The following FAHD2A variants were observed in gnomAD, a reference collection of about 807,000 sequenced individuals.
FAHD2A encodes the protein fumarylacetoacetate hydrolase domain containing 2A, also known as oxaloacetate tautomerase FAHD2A, mitochondrial.
A neutral mutation model predicts 33.4 loss-of-function variants in FAHD2A; 27 were observed. The observed-to-expected ratio is 0.81, with a 90% CI of 0.60 to 1.11. The LOEUF is 1.11. FAHD2A is among the 50% of genes most tolerant of loss of function. FAHD2A has a pLI of 0.00. For synonymous variants in FAHD2A, 130 were observed against 153.3 expected (o/e 0.85, Z 1.12); for missense variants, 296 against 395.0 (o/e 0.75, Z 2.12).
At chr2:95,417,200 T>G (rs1216798983), downstream of FAHD2A, among the ~76,000 whole-genome samples, 3 of 152,222 alleles carry the variant, frequency 2.0e-5, no homozygotes, top group Non-Finnish European at 4.4e-5. Flanking sequence ...CCTCCATCAA[T>G]GAAATGAAGG....
At chr2:95,411,978 A>G (rs1284227569) in intron 5 of FAHD2A, among the ~76,000 whole-genome samples, 4 of 152,102 alleles carry the variant, frequency 2.6e-5, no homozygotes. Flanking sequence ...TTGTAGAGAC[A>G]AGCACTCACT....
chr2:95,404,295 T>C (rs943167728), intron 1 of FAHD2A, among the ~76,000 whole-genome samples: 2 of 142,874 alleles, frequency 1.4e-5, no homozygotes, highest in Non-Finnish European at 1.5e-5. Flanking sequence ...GCCCTGAGGA[T>C]TTTTTTTTTT....
In FAHD2A at chr2:95,416,437, CGCCTCA is replaced by C. The variant is rs1265640027; in HGVS notation, c.*3483_*3488del. On this transcript the variant is annotated 3_prime_UTR_variant, in exon 8 of 8. Coordinates refer to ENST00000233379, the MANE Select transcript of FAHD2A (RefSeq NM_016044.3). ...GCCTGTTGCCTCCTTGCCTGGACCC[CGCCTCA>C]GCTCAGAAAGCCAATTCCCTAGATT... 6.6e-6 allele frequency: 1 copy of C among 152,136 alleles called. No individual in the cohort carries two copies. Among genetic ancestry groups the C allele is most frequent in the East Asian group, 1.9e-4 (1 of 5,190 alleles). 9.4% of individuals were successfully genotyped at this position (152,136 alleles called of 1,614,324 possible).
In FAHD2A at chr2:95,414,270, G is replaced by C; in HGVS notation, c.*1313G>C. 6.4e-7 allele frequency: 1 copy of C among 1,551,968 alleles called. No individual in the cohort carries two copies. ...CACCAAAGATCCCTTCTTCCTGGGCGGTGGCCTGCAGGAACTGGAACAGCT... is the reference window on the plus strand; with the variant it reads ...CACCAAAGATCCCTTCTTCCTGGGCCGTGGCCTGCAGGAACTGGAACAGCT... On this transcript the variant is annotated 3_prime_UTR_variant, in exon 8 of 8. Transcript: ENST00000233379.
chr2:95,413,106 A>G lies in FAHD2A; in HGVS notation c.*149A>G. 1 of 1,236,486 alleles carries G rather than the reference A, an allele frequency of 8.1e-7. No individual in the cohort carries two copies. Among genetic ancestry groups the G allele is most frequent in the Non-Finnish European group, 1.1e-6 (1 of 892,900 alleles). 76.6% of individuals were successfully genotyped at this position (1,236,486 alleles called of 1,614,324 possible). On this transcript the variant is annotated 3_prime_UTR_variant, in exon 8 of 8. Transcript: ENST00000233379. ...AAGGGAGAAGGACAGAGCTCTCTTC[A>G]ATAAATTCGTCAGGTCAAAGCAGCA...
chr2:95,406,906 C>T, intron 2 of FAHD2A, 35 bp from the exon 3 acceptor site: 6 of 1,571,254 alleles, frequency 3.8e-6, no homozygotes, highest in Non-Finnish European at 4.3e-6. Context: ...CACCTGTTCC[C>T]AGCCAGACCC....
In FAHD2A at chr2:95,411,001, C is replaced by G; in HGVS notation, c.660C>G (p.Ala220=). Residue 220 remains alanine (A), a synonymous_variant, in exon 5 of 8, where the codon GCC becomes GCG. Coordinates refer to ENST00000233379, the MANE Select transcript of FAHD2A (RefSeq NM_016044.3). The part of the protein sequence containing the change: ...TFDTFCPLGP[A]LVTKDSVADP... Reference sequence around the variant, plus strand: ...ACACCTTCTGCCCTCTGGGCCCTGCCTTGGTGACCAAGGACAGTGTAGCAG... The same window carrying G: ...ACACCTTCTGCCCTCTGGGCCCTGCGTTGGTGACCAAGGACAGTGTAGCAG... 2 of 1,614,006 alleles carry G rather than the reference C, an allele frequency of 1.2e-6. No individual in the cohort carries two copies. The highest frequency in any genetic ancestry group is 1.3e-5 in the African/African-American group (1 of 75,038).
In FAHD2A at chr2:95,413,343, G is replaced by T. The variant is rs556032625; in HGVS notation, c.*386G>T. The T allele has an allele frequency of 2.7e-6, 4 of 1,493,228 alleles. No homozygotes were observed. The Admixed American group carries it at 1.0e-4, about 38-fold the overall frequency. 92.5% of individuals were successfully genotyped at this position (1,493,228 alleles called of 1,614,324 possible). A position where few individuals can be genotyped will look rare whatever the true frequency, so the allele number is the denominator to read the frequency against. On this transcript the variant is annotated 3_prime_UTR_variant, in exon 8 of 8. Transcript: ENST00000233379. ...TGGCAAGGGACAATCAAGCCTCAAT[G>T]ATTATATTTATAGCTAAGGGTTTGC...
Position 95,405,548 on chromosome 2 carries a change from T to C in FAHD2A, c.-6-5T>C. 1 of 1,605,642 alleles carries C rather than the reference T, an allele frequency of 6.2e-7. No homozygotes were observed. Among genetic ancestry groups the C allele is most frequent in the Non-Finnish European group, 8.5e-7 (1 of 1,174,050 alleles). The stretch of plus-strand genomic sequence containing the variant: ...GTCTCCTGGATCCTGCATTTTTCTC[T>C]GCAGGCTCTGATGCTGGTGTCTGGT... On this transcript the variant is annotated splice_polypyrimidine_tract_variant and splice_region_variant and intron_variant, in intron 1 of 7. Transcript: ENST00000233379.
chr2:95,410,689 C>G, intron 4 of FAHD2A, 103 bp downstream of exon 4: 1 of 1,562,848 alleles, frequency 6.4e-7, no homozygotes, highest in Non-Finnish European at 8.7e-7. Flanking sequence ...TGCCAGCTGT[C>G]CCTGACACTA....
chr2:95,419,462 T>C (rs182363487), downstream of FAHD2A, among the ~76,000 whole-genome samples: 527 of 152,100 alleles, frequency 3.5e-3, 4 homozygotes, highest in Non-Finnish European at 5.2e-3. Flanking sequence ...TCAAGTGGCA[T>C]AATTGGCCTA....
At chr2:95,406,732 G>T (rs1052658905) in intron 2 of FAHD2A, among the ~76,000 whole-genome samples, 3 of 152,302 alleles carry the variant, frequency 2.0e-5, no homozygotes, top group Admixed American at 6.5e-5. Flanking sequence ...ACCTAAGGGG[G>T]AGAGGAAATC....
At chr2:95,417,009 CTG>C (rs1480432704), downstream of FAHD2A, among the ~76,000 whole-genome samples, 2 of 152,220 alleles carry the variant, frequency 1.3e-5, no homozygotes, top group Non-Finnish European at 2.9e-5. Context: ...TGCCATGGGA[CTG>C]TATCTCCCAC....
intron 3 of FAHD2A, among the ~76,000 whole-genome samples, chr2:95,410,163 C>A (rs780755617): frequency 6.6e-6 from 1 of 152,164 alleles, no homozygotes; most frequent in Non-Finnish European, 1.5e-5. Context: ...TAGAACAGTG[C>A]CTGACACACA....
chr2:95,413,865 C>A lies in FAHD2A; in HGVS notation c.*908C>A. 1 of 827,092 alleles carries A rather than the reference C, an allele frequency of 1.2e-6. No individual in the cohort carries two copies. Among genetic ancestry groups the A allele is most frequent in the South Asian group, 1.5e-5 (1 of 68,056 alleles). 51.2% of individuals were successfully genotyped at this position (827,092 alleles called of 1,614,324 possible). ...CTTAATGAGGCACCATCAGGCCAGC[C>A]CTGTGGGGTGATGGGAACATAGCTG... On this transcript the variant is annotated 3_prime_UTR_variant, in exon 8 of 8. Coordinates refer to ENST00000233379, the MANE Select transcript of FAHD2A (RefSeq NM_016044.3).
At chr2:95,406,737 G>C (rs1681624919) in intron 2 of FAHD2A, among the ~76,000 whole-genome samples, 1 of 152,154 alleles carries the variant, frequency 6.6e-6, no homozygotes, top group South Asian at 2.1e-4. Context: ...AGGGGGAGAG[G>C]AAATCAACAC....
chr2:95,405,735 C>A lies in FAHD2A; in HGVS notation c.177C>A (p.Asp59Glu). The change falls in exon 2 of 8, where the codon GAC becomes GAA. Residue 59 changes from aspartate to glutamate, a missense_variant. Asp to Glu is a conservative substitution (Grantham distance 45). Coordinates refer to ENST00000233379, the MANE Select transcript of FAHD2A (RefSeq NM_016044.3). ...GGGTTATCAACCTCAATGCCTTTGA[C>A]CCCACACTCCCGAAGACGATGACGC... ...GGGVINLNAF[D>E]PTLPKTMTQF... 1.2e-6 allele frequency: 2 copies of A among 1,613,898 alleles called. No individual in the cohort carries two copies. Among genetic ancestry groups the A allele is most frequent in the Admixed American group, 1.7e-5 (1 of 59,956 alleles).
chr2:95,412,137 C>T (rs1292931325), intron 5 of FAHD2A, among the ~76,000 whole-genome samples: 1 of 151,928 alleles, frequency 6.6e-6, no homozygotes, highest in African/African-American at 2.4e-5. Context: ...AGACAGATGC[C>T]CTTATTTTTT....
chr2:95,412,353 C>G, intron 5 of FAHD2A, 81 bp from the exon 6 acceptor site: 2 of 1,553,140 alleles, frequency 1.3e-6, no homozygotes. Context: ...TCACGAAGCA[C>G]CCCTACAGTT....
Sources: gnomAD v4.1 joint callset for allele counts (sites outside exome capture counted in the v4.1 genomes callset) on GRCh38, gnomAD v4.1.1 for gene constraint, MANE v1.5 for transcripts, NCBI Gene and HGNC (gene_info 2026-07-23, HGNC 2026-07-21) for gene names.